Variants in ARHGEF10L observed in about 807,000 individuals in gnomAD.
The protein encoded by ARHGEF10L is rho guanine nucleotide exchange factor 10-like protein.
Under a neutral mutation model 141.2 loss-of-function variants are expected in ARHGEF10L, and 69 were observed. That is an observed-to-expected ratio of 0.49 (90% CI 0.40 to 0.60). The LOEUF is 0.60. ARHGEF10L is among the 20% of genes least tolerant of loss of function. ARHGEF10L has a pLI of 0.00. For missense variants in ARHGEF10L, 1,482 were observed against 1,734.3 expected (o/e 0.85, Z 2.58); for synonymous variants, 711 against 718.5 (o/e 0.99, Z 0.17).
chr1:17,548,312 T>C (rs561048160), intron 1 of ARHGEF10L, among the ~76,000 whole-genome samples: 4 of 152,214 alleles, frequency 2.6e-5, no homozygotes, highest in African/African-American at 9.6e-5. Context: ...AGAAAAGAAA[T>C]GAAAATCCAA....
intron 1 of ARHGEF10L, among the ~76,000 whole-genome samples, chr1:17,568,960 G>C (rs1038764731): frequency 1.3e-5 from 2 of 152,146 alleles, no homozygotes; most frequent in Non-Finnish European, 2.9e-5. Context: ...CATCTTCTCA[G>C]ATTGTGAAGT....
chr1:17,520,001 C>T, the ARHGEF10L span, among the ~76,000 whole-genome samples: 1 of 152,172 alleles, frequency 6.6e-6, no homozygotes, highest in African/African-American at 2.4e-5. Flanking sequence ...CATGGGTGAC[C>T]CTCCAACCCT....
At chr1:17,550,375 G>T (rs1299208242) in intron 1 of ARHGEF10L, among the ~76,000 whole-genome samples, 1 of 152,198 alleles carries the variant, frequency 6.6e-6, no homozygotes, top group African/African-American at 2.4e-5. Context: ...GGGCACAGTG[G>T]CTCACGCCTG....
At chr1:17,516,489 G>C in the ARHGEF10L span, among the ~76,000 whole-genome samples, 4 of 152,232 alleles carry the variant, frequency 2.6e-5, no homozygotes, top group African/African-American at 9.6e-5. Flanking sequence ...ACACACAAAG[G>C]CCAGCTCTGG....
intron 21 of ARHGEF10L, among the ~76,000 whole-genome samples, chr1:17,641,716 C>T (rs949799299): frequency 3.9e-5 from 6 of 151,992 alleles, no homozygotes; most frequent in South Asian, 4.1e-4. Context: ...TGGTGGCTCG[C>T]GCCTGTAATC....
At chr1:17,584,032 A>G (rs576137954) in intron 2 of ARHGEF10L, among the ~76,000 whole-genome samples, 1 of 151,996 alleles carries the variant, frequency 6.6e-6, no homozygotes, top group South Asian at 2.1e-4. Context: ...TAAAATTATT[A>G]AAAAATTTTT....
At chr1:17,578,689 A>T (rs2078329876) in intron 1 of ARHGEF10L, among the ~76,000 whole-genome samples, 1 of 152,140 alleles carries the variant, frequency 6.6e-6, no homozygotes, top group Admixed American at 6.5e-5. Context: ...CAGCCTCAGT[A>T]CCTATCGATG....
At chr1:17,545,056 A>C (rs1473254797) in intron 1 of ARHGEF10L, among the ~76,000 whole-genome samples, 1 of 152,028 alleles carries the variant, frequency 6.6e-6, no homozygotes, top group Non-Finnish European at 1.5e-5. Flanking sequence ...ATTCAAGATG[A>C]GATTTGGGTG....
At chr1:17,552,094 G>A (rs908288067) in intron 1 of ARHGEF10L, among the ~76,000 whole-genome samples, 1 of 152,158 alleles carries the variant, frequency 6.6e-6, no homozygotes, top group South Asian at 2.1e-4. Flanking sequence ...AATGAGTGAT[G>A]GGAAAACTCC....
At chr1:17,514,952 C>A in the ARHGEF10L span, among the ~76,000 whole-genome samples, 1 of 152,296 alleles carries the variant, frequency 6.6e-6, no homozygotes, top group South Asian at 2.1e-4. Flanking sequence ...CCTTCCGGCC[C>A]CTTGAGGGAG....
chr1:17,637,197 C>T (rs531266727), intron 18 of ARHGEF10L, among the ~76,000 whole-genome samples: 24 of 152,352 alleles, frequency 1.6e-4, no homozygotes, highest in Middle Eastern at 3.4e-3. Context: ...GAGTCTGGCA[C>T]ACGATAGGTC....
chr1:17,607,938 G>T lies in ARHGEF10L; in HGVS notation c.570G>T (p.Glu190Asp). 6.6e-7 allele frequency: 1 copy of T among 1,508,660 alleles called. No individual in the cohort carries two copies. The highest frequency in any genetic ancestry group is 2.6e-5 in the East Asian group (1 of 38,314). The allele number at this position is 1,508,660 out of a possible 1,614,324, so 93.5% of individuals were successfully genotyped here. A position where few individuals can be genotyped will look rare whatever the true frequency, so the allele number is the denominator to read the frequency against. ...GGGAGGAGGCCAAGCCGGAGGTCGA[G>T]GTCGAGCCCGCCAAGCACCGAGTGT... is the stretch of plus-strand genomic sequence containing the variant. ...DSGEEAKPEV[E>D]VEPAKHRVSF... The change falls in exon 7 of 29, where the codon GAG becomes GAT. Residue 190 changes from glutamate (E) to aspartate (D), a missense_variant. Glu to Asp is a conservative substitution (Grantham distance 45). Around this residue, in one of 3 missense-constraint regions of ARHGEF10L, gnomAD observed 392 missense variants for 542.1 expected, o/e 0.72. Transcript: ENST00000361221. The surrounding 1 kb of genome is among the most constrained non-coding windows in gnomAD (Gnocchi z 4.5).
chr1:17,543,112 A>G (rs2076789583), intron 1 of ARHGEF10L, among the ~76,000 whole-genome samples: 1 of 152,204 alleles, frequency 6.6e-6, no homozygotes, highest in Admixed American at 6.5e-5. Context: ...GGAGGGCATC[A>G]GAGCCATTTT....
the ARHGEF10L span, among the ~76,000 whole-genome samples, chr1:17,533,028 T>C: frequency 6.6e-6 from 1 of 152,164 alleles, no homozygotes; most frequent in African/African-American, 2.4e-5. Flanking sequence ...ACCAAGACAG[T>C]GGCCAGGGAC....
At chr1:17,526,478 G>C in the ARHGEF10L span, among the ~76,000 whole-genome samples, 1 of 152,304 alleles carries the variant, frequency 6.6e-6, no homozygotes, top group South Asian at 2.1e-4. Context: ...TGAGTCACTT[G>C]GTCTCACTGA....
intron 9 of ARHGEF10L, chr1:17,618,268 C>A: frequency 2.2e-6 from 3 of 1,362,066 alleles, no homozygotes; most frequent in Non-Finnish European, 2.9e-6. Context: ...CCCCACCCCG[C>A]CCACAAGCCC....
chr1:17,695,423 T>G, intron 28 of ARHGEF10L, 143 bp downstream of exon 28: 1 of 1,220,322 alleles, frequency 8.2e-7, no homozygotes, highest in Non-Finnish European at 1.1e-6. Context: ...TCAGGTGGCA[T>G]GGTGGCCAGT....
Position 17,588,446 on chromosome 1 carries a change from A to C in ARHGEF10L, c.224A>C (p.Asp75Ala), listed in dbSNP as rs1275537875. ...CTCTCTGTCTGCTCTTCTTTTGCAG[A>C]CCCAGACCCAGCAGCTGCTCCACCC... ...LIHLDSIPVT[D>A]PDPAAAPPGT... Residue 75 changes from aspartate to alanine, a missense_variant and splice_region_variant, in exon 4 of 29, where the codon GAC becomes GCC. Around this residue, in one of 3 missense-constraint regions of ARHGEF10L, gnomAD observed 232 missense variants for 225.9 expected, o/e 1.03. Coordinates refer to ENST00000361221, the MANE Select transcript of ARHGEF10L (RefSeq NM_018125.4). 2 of 1,613,676 alleles carry C rather than the reference A, an allele frequency of 1.2e-6. No individual in the cohort carries two copies. The highest frequency in any genetic ancestry group is 1.7e-6 in the Non-Finnish European group (2 of 1,179,898).
chr1:17,544,312 G>C (rs2076839772), intron 1 of ARHGEF10L, among the ~76,000 whole-genome samples: 1 of 149,920 alleles, frequency 6.7e-6, no homozygotes. Context: ...TTTTTGAGAT[G>C]GAGTTTTGGC....
Sources: allele counts gnomAD v4.1 joint callset (sites outside exome capture counted in the v4.1 genomes callset), GRCh38; gene constraint gnomAD v4.1.1; regional missense constraint gnomAD v4.1.1; non-coding constraint Gnocchi (gnomAD v3.1); transcripts MANE v1.5; gene names NCBI Gene and HGNC (gene_info 2026-07-23, HGNC 2026-07-21).